The following EIF2AK1 variants were observed in gnomAD, a reference collection of about 807,000 sequenced individuals.
The protein encoded by EIF2AK1 is eukaryotic translation initiation factor 2 alpha kinase 1.
In EIF2AK1, 54 loss-of-function variants were observed where a neutral mutation model predicts 77.9. The observed-to-expected ratio is 0.69, with a 90% confidence interval of 0.56 to 0.87. EIF2AK1 has a LOEUF of 0.87. Ranked by LOEUF, EIF2AK1 falls within the 40% of genes least tolerant of loss-of-function variation. EIF2AK1 has a pLI of 0.00. For synonymous variants in EIF2AK1, 314 were observed against 290.5 expected, an observed-to-expected ratio of 1.08 and a Z score of -0.82; for missense variants, 810 against 768.6, an observed-to-expected ratio of 1.05 and a Z score of -0.64.
At chr7:6,050,602 CTTTT>C (rs576925022) in intron 2 of EIF2AK1, among the ~76,000 whole-genome samples, 9 of 132,980 alleles carry the variant, frequency 6.8e-5, no homozygotes, top group Admixed American at 1.6e-4. Flanking sequence ...AATTACTTCT[CTTTT>C]TTTTTTTTTT....
At chr7:6,055,415 G>T (rs1437637206) in intron 1 of EIF2AK1, among the ~76,000 whole-genome samples, 16 of 149,674 alleles carry the variant, frequency 1.1e-4, no homozygotes, top group African/African-American at 3.9e-4. Context: ...AACTTTTCTC[G>T]ATGAGCGTGT....
chr7:6,042,985 C>T lies in EIF2AK1; in HGVS notation c.739G>A (p.Ala247Thr), dbSNP rs1562752087. ...TCCAGAGATGGCAACTCAATGGCAG[C>T]TCTGTCTGCTGAATGAAAACAAACA... Reference protein sequence around the residue: ...VHVIQPRADRAAIELPSLEVL... With the variant: ...VHVIQPRADRTAIELPSLEVL... Residue 247 changes from alanine to threonine, a missense_variant, in exon 8 of 15, where the codon GCT (alanine) becomes ACT (threonine). Coordinates refer to ENST00000199389, the MANE Select transcript of EIF2AK1 (RefSeq NM_014413.4). The T allele has an allele frequency of 1.9e-6, 3 of 1,614,150 alleles. No homozygotes were observed. The highest frequency in any genetic ancestry group is 2.5e-6 in the Non-Finnish European group (3 of 1,180,002).
intron 3 of EIF2AK1, among the ~76,000 whole-genome samples, chr7:6,049,627 CTTTT>C (rs566250638): frequency 1.1e-4 from 15 of 132,620 alleles, no homozygotes; most frequent in Admixed American, 1.0e-3. Flanking sequence ...CCTCTCCTCT[CTTTT>C]TTTTTTTTTT....
intron 8 of EIF2AK1, among the ~76,000 whole-genome samples, chr7:6,041,824 G>A (rs1788306938): frequency 7.2e-6 from 1 of 139,504 alleles, no homozygotes; most frequent in South Asian, 2.3e-4. Flanking sequence ...CTGGCCAACA[G>A]AGTGAGACTC....
intron 12 of EIF2AK1, 81 bp from the exon 13 acceptor site, chr7:6,028,778 T>C: frequency 1.4e-6 from 2 of 1,461,052 alleles, no homozygotes; most frequent in Non-Finnish European, 9.5e-7. Context: ...GGAAGCAGTG[T>C]AGCTCCTAAG....
In EIF2AK1 at chr7:6,024,673, T is replaced by C. The variant is rs779258960; in HGVS notation, c.1893A>G (p.Ter631TrpextTer4). The C allele has an allele frequency of 1.2e-6, 2 of 1,613,944 alleles. No homozygotes were observed. Among genetic ancestry groups the C allele is most frequent in the South Asian group, 1.1e-5 (1 of 91,052 alleles). Residue 631 changes from the stop codon to tryptophan, a stop_lost, in exon 15 of 15, where the codon TGA becomes TGG. Coordinates refer to ENST00000199389, the MANE Select transcript of EIF2AK1 (RefSeq NM_014413.4). ...RDDGKDGGVG[*>W] The stretch of plus-strand genomic sequence containing the variant: ...ACTACCTTAAAAGTTAAGTCCACTT[T>C]CATCCCACGCCCCCATCCTTTCCGT...
intron 8 of EIF2AK1, 24 bp downstream of exon 8, chr7:6,042,909 G>A: frequency 6.2e-7 from 1 of 1,603,710 alleles, no homozygotes; most frequent in Non-Finnish European, 8.5e-7. Context: ...AAGAGGTAAT[G>A]TCCTAATATG....
chr7:6,028,896 CA>C (rs778784220), intron 12 of EIF2AK1, 21 bp downstream of exon 12: 1 of 1,583,176 alleles, frequency 6.3e-7, no homozygotes, highest in East Asian at 2.2e-5. Context: ...GCAAAGAAAA[CA>C]AAACAAAACC....
rs1164259721 is a variant in EIF2AK1, at chr7:6,028,964, T to C, written c.1401A>G (p.Thr467=). The change falls in exon 12 of 15, where the codon ACA becomes ACG. Residue 467 remains threonine, a synonymous_variant. Coordinates refer to ENST00000199389, the MANE Select transcript of EIF2AK1 (RefSeq NM_014413.4). The stretch of plus-strand genomic sequence containing the variant: ...AGTCTGTGTTCTTCTGTAGGATGTC[T>C]GTGCAGGCCAGACCAAAGTCTCCTA... ...VKIGDFGLAC[T]DILQKNTDWT... 6.2e-7 allele frequency: 1 copy of C among 1,610,994 alleles called. No individual in the cohort carries two copies. Among genetic ancestry groups the C allele is most frequent in the Non-Finnish European group, 8.5e-7 (1 of 1,179,382 alleles).
intron 1 of EIF2AK1, chr7:6,058,067 A>G: frequency 2.2e-6 from 1 of 451,912 alleles, no homozygotes; most frequent in Non-Finnish European, 4.4e-6. Flanking sequence ...CTCTTACTCT[A>G]TGCTAAGTAA....
chr7:6,055,502 A>G (rs888490406), intron 1 of EIF2AK1, among the ~76,000 whole-genome samples: 3 of 152,028 alleles, frequency 2.0e-5, no homozygotes, highest in East Asian at 1.9e-4. Flanking sequence ...CATTTTACAG[A>G]TGAAAACACT....
At chr7:6,050,474 C>T (rs1788577126) in intron 2 of EIF2AK1, among the ~76,000 whole-genome samples, 1 of 152,104 alleles carries the variant, frequency 6.6e-6, no homozygotes, top group African/African-American at 2.4e-5. Context: ...GGATTACAGG[C>T]ATGAGCCACC....
At position 6,027,313 on chromosome 7, in the gene EIF2AK1, G is replaced by A. The variant is rs1787774824; in HGVS notation, c.1531-352C>T. On this transcript the variant is annotated intron_variant, in intron 13 of 14. Coordinates refer to ENST00000199389, the MANE Select transcript of EIF2AK1 (RefSeq NM_014413.4). The surrounding 1 kb of genome is among the most constrained non-coding windows in gnomAD (Gnocchi z 4.5). ...TAGTGTCAGCTGCGGGGGAGCCACAGAAGGTCGCGGGTTCTCCTCCGGTCT... is the reference window on the plus strand; with the variant it reads ...TAGTGTCAGCTGCGGGGGAGCCACAAAAGGTCGCGGGTTCTCCTCCGGTCT... 6.6e-6 allele frequency among the ~76,000 whole-genome samples: 1 copy of A among 152,218 alleles called. No homozygotes were observed. The highest frequency in any genetic ancestry group is 1.5e-5 in the Non-Finnish European group (1 of 68,042).
intron 10 of EIF2AK1, among the ~76,000 whole-genome samples, chr7:6,038,212 T>C (rs1442164280): frequency 6.6e-6 from 1 of 152,172 alleles, no homozygotes; most frequent in Admixed American, 6.5e-5. Flanking sequence ...GGAGGATTGC[T>C]TGAGATCAGG....
chr7:6,043,530 G>C (rs1024941884), intron 7 of EIF2AK1, among the ~76,000 whole-genome samples: 1 of 152,178 alleles, frequency 6.6e-6, no homozygotes, highest in Admixed American at 6.5e-5. Flanking sequence ...CCGGGTTCAA[G>C]TGATTCTGCT....
At chr7:6,046,933 A>T (rs1405455098) in intron 5 of EIF2AK1, 59 bp downstream of exon 5, 12 of 1,391,300 alleles carry the variant, frequency 8.6e-6, no homozygotes, top group Non-Finnish European at 1.1e-5. Flanking sequence ...TAATGAAAAC[A>T]ATATCTGAAA....
Position 6,041,189 on chromosome 7 carries a change from A to G in EIF2AK1, c.822T>C (p.Ser274=). ...REQCGVKNDE[S]SSSSIIFAEP... ...CAGCAAAGATAATGGATGAGCTGCT[A>G]CTTTCATCATTTTTAACACCACATT... Residue 274 remains serine (S), a synonymous_variant, in exon 9 of 15, where the codon AGT becomes AGC. Coordinates refer to ENST00000199389, the MANE Select transcript of EIF2AK1 (RefSeq NM_014413.4). The G allele has an allele frequency of 6.2e-7, 1 of 1,610,536 alleles. No individual in the cohort carries two copies. The highest frequency in any genetic ancestry group is 8.5e-7 in the Non-Finnish European group (1 of 1,179,298).
At position 6,032,505 on chromosome 7, in the gene EIF2AK1, G is replaced by A. The variant is rs1042420720; in HGVS notation, c.1333-3473C>T. On this transcript the variant is annotated intron_variant, in intron 11 of 14. Coordinates refer to ENST00000199389, the MANE Select transcript of EIF2AK1 (RefSeq NM_014413.4). This position sits in a 1 kb window ranked among gnomAD's most constrained non-coding sequence, Gnocchi z 4.3. The stretch of plus-strand genomic sequence containing the variant: ...TCCATCACCCTGTGGGTTAATTTAA[G>A]GAATAAGTGACTTCATAGCAAGTAC... Among the ~76,000 whole-genome samples the A allele has an allele frequency of 3.9e-5, 6 of 152,196 alleles. No homozygotes were observed. The highest frequency in any genetic ancestry group is 1.4e-4 in the African/African-American group (6 of 41,450).
rs537577700 is a variant in EIF2AK1, at chr7:6,039,536, G to A, written c.1120-865C>T. ...CTCAGGAGGCTGAGGCAGGAGAATCGCTTGAACCTGGGAGGCGGAGGTTGC... is the reference window on the plus strand; with the variant it reads ...CTCAGGAGGCTGAGGCAGGAGAATCACTTGAACCTGGGAGGCGGAGGTTGC... On this transcript the variant is annotated intron_variant, in intron 9 of 14. Coordinates refer to ENST00000199389, the MANE Select transcript of EIF2AK1 (RefSeq NM_014413.4). Among the ~76,000 whole-genome samples the A allele has an allele frequency of 2.0e-5, 3 of 148,528 alleles. 1 individual carries two copies. The highest frequency in any genetic ancestry group is 7.5e-5 in the African/African-American group (3 of 39,882).
Sources: gnomAD v4.1 joint callset for allele counts (sites outside exome capture counted in the v4.1 genomes callset) on GRCh38, gnomAD v4.1.1 for gene constraint, Gnocchi (gnomAD v3.1) non-coding constraint, MANE v1.5 for transcripts, NCBI Gene and HGNC (gene_info 2026-07-23, HGNC 2026-07-21) for gene names.